Variants in ADAMTS3 observed in about 807,000 individuals in gnomAD.
ADAMTS3 encodes ADAM metallopeptidase with thrombospondin type 1 motif 3, also known as A disintegrin and metalloproteinase with thrombospondin motifs 3.
ADAMTS3 carries 73 observed loss-of-function variants against 129.0 expected under a neutral mutation model. That is an observed-to-expected ratio of 0.57 (90% CI 0.47 to 0.69). The LOEUF is 0.69. ADAMTS3 is among the 30% of genes least tolerant of loss of function. The pLI is 0.00. For synonymous variants in ADAMTS3, 477 were observed against 510.8 expected (o/e 0.93, Z 0.89); for missense variants, 1,457 against 1,514.5 (o/e 0.96, Z 0.63).
At chr4:72,441,328 T>C (rs13136232) in intron 3 of ADAMTS3, among the ~76,000 whole-genome samples, 38,167 of 151,710 alleles carry the variant, frequency 0.25, 5,148 homozygotes, top group East Asian at 0.45. Context: ...ACATCTTCTT[T>C]TGTGAGATGT....
At chr4:72,363,943 A>T (rs997689108) in intron 4 of ADAMTS3, among the ~76,000 whole-genome samples, 6 of 152,154 alleles carry the variant, frequency 3.9e-5, no homozygotes, top group Non-Finnish European at 7.4e-5. Context: ...ATGATGATGA[A>T]GAACAATGTA....
chr4:72,430,836 A>AG (rs1187506383), intron 3 of ADAMTS3, among the ~76,000 whole-genome samples: 2 of 151,442 alleles, frequency 1.3e-5, no homozygotes, highest in South Asian at 4.2e-4. Context: ...TTAAAAAAAA[A>AG]AAAACTCAAG....
intron 3 of ADAMTS3, among the ~76,000 whole-genome samples, chr4:72,456,095 T>C (rs1307053820): frequency 0.052 from 1,252 of 24,278 alleles, 56 homozygotes; most frequent in Non-Finnish European, 0.091. Context: ...ATATTTTATA[T>C]ATATAGTATA....
At chr4:72,330,573 T>C (rs961089583) in intron 5 of ADAMTS3, 1 of 152,262 alleles carries the variant, frequency 6.6e-6, no homozygotes, top group African/African-American at 2.4e-5. Context: ...GTCAAACCTG[T>C]CCACCTCCAC....
intron 13 of ADAMTS3, 67 bp downstream of exon 13, chr4:72,312,224 G>C (rs1578571976): frequency 1.3e-6 from 2 of 1,570,216 alleles, no homozygotes; most frequent in East Asian, 4.5e-5. Flanking sequence ...CATGGGGTTC[G>C]TGCTGGCAAA....
At position 72,282,988 on chromosome 4, in the gene ADAMTS3, A is replaced by G. The variant is rs1422986769; in HGVS notation, c.*148T>C. 6 of 644,826 alleles carry G rather than the reference A, an allele frequency of 9.3e-6. No homozygotes were observed. The highest frequency in any genetic ancestry group is 1.6e-5 in the Non-Finnish European group (6 of 386,722). 39.9% of individuals were successfully genotyped at this position (644,826 alleles called of 1,614,324 possible). On this transcript the variant is annotated 3_prime_UTR_variant, in exon 22 of 22. Coordinates refer to ENST00000286657, the MANE Select transcript of ADAMTS3 (RefSeq NM_014243.3). ...AAAAGGAGGATGAAAGCAACTAGAA[A>G]GTGAGCCAGCACTTTCTGTTCTTCC...
chr4:72,480,716 TAAAAA>T (rs1370535418), intron 3 of ADAMTS3, among the ~76,000 whole-genome samples: 1 of 128,328 alleles, frequency 7.8e-6, no homozygotes, highest in East Asian at 2.3e-4. Context: ...AAATAAAAAA[TAAAAA>T]AAGAGAAACA....
In ADAMTS3 at chr4:72,456,602, C is replaced by A. The variant is rs191940529; in HGVS notation, c.505-41631G>T. On this transcript the variant is annotated intron_variant, in intron 3 of 21. Transcript: ENST00000286657. ...AGGATAAATATATTTTAAATTATTT[C>A]TAAAAGTACTTACATCTGCCAAAAA... is the stretch of plus-strand genomic sequence containing the variant. 1.8e-3 allele frequency among the ~76,000 whole-genome samples: 276 copies of A among 151,012 alleles called. 1 individual carries two copies. The highest frequency in any genetic ancestry group is 6.2e-3 in the African/African-American group (255 of 41,282).
chr4:72,520,227 G>C (rs1007603205), intron 3 of ADAMTS3, among the ~76,000 whole-genome samples: 47 of 152,230 alleles, frequency 3.1e-4, no homozygotes, highest in Non-Finnish European at 4.7e-4. Context: ...ACCCGGCCGT[G>C]TGAGGTGTCA....
At position 72,319,955 on chromosome 4, in the gene ADAMTS3, G is replaced by C. The variant is rs141331151; in HGVS notation, c.1111C>G (p.Pro371Ala). ...FGPAGMQGYA[P>A]VTGMCHPVRS... ...ACTGGATGACACATGCCGGTGACTG[G>C]AGCATATCCTGTAGAGAATAACAAT... Residue 371 changes from proline to alanine, a missense_variant, in exon 8 of 22, where the codon CCA (proline) becomes GCA (alanine). Physicochemically the swap from Pro to Ala is conservative, Grantham distance 27. Transcript: ENST00000286657. 1.2e-6 allele frequency: 2 copies of C among 1,611,902 alleles called. No individual in the cohort carries two copies. Among genetic ancestry groups the C allele is most frequent in the Non-Finnish European group, 8.5e-7 (1 of 1,178,252 alleles).
At chr4:72,447,559 A>G (rs1412693148) in intron 3 of ADAMTS3, among the ~76,000 whole-genome samples, 4 of 151,788 alleles carry the variant, frequency 2.6e-5, no homozygotes, top group Admixed American at 2.6e-4. Context: ...ATTTAACAAA[A>G]TGTAGATGTA....
intron 16 of ADAMTS3, among the ~76,000 whole-genome samples, chr4:72,304,579 C>T (rs1390558098): frequency 6.6e-6 from 1 of 151,972 alleles, no homozygotes; most frequent in Non-Finnish European, 1.5e-5. Context: ...ATTTAGTTCT[C>T]ATGATTGTAA....
At chr4:72,430,803 T>C (rs1466415793) in intron 3 of ADAMTS3, among the ~76,000 whole-genome samples, 3 of 144,602 alleles carry the variant, frequency 2.1e-5, no homozygotes, top group African/African-American at 5.1e-5. Context: ...AGTCTGGTGA[T>C]AGAGACAAAG....
rs948920552 is a variant in ADAMTS3, at chr4:72,288,807, T to C, written c.2993A>G (p.His998Arg). The change falls in exon 21 of 22, where the codon CAC (histidine) becomes CGC (arginine). Residue 998 changes from histidine to arginine, a missense_variant. Physicochemically the swap from His to Arg is conservative, Grantham distance 29. Transcript: ENST00000286657. ...VRQVLCRAGD[H>R]CDGEKPESVR... ...CGACTCAGGCTTTTCACCATCACAG[T>C]GGTCCCCAGCCCTGCAGAGGACCTG... 6.2e-6 allele frequency: 10 copies of C among 1,613,866 alleles called. No individual in the cohort carries two copies. In the Admixed American group the frequency reaches 1.7e-4, roughly 27 times the overall value.
At chr4:72,469,799 T>C (rs1434099760) in intron 3 of ADAMTS3, among the ~76,000 whole-genome samples, 2 of 152,150 alleles carry the variant, frequency 1.3e-5, no homozygotes, top group Non-Finnish European at 2.9e-5. Context: ...TAATGAATAA[T>C]AAATACATTT....
chr4:72,470,206 GC>G (rs1719030303), intron 3 of ADAMTS3, among the ~76,000 whole-genome samples: 1 of 151,804 alleles, frequency 6.6e-6, no homozygotes, highest in Non-Finnish European at 1.5e-5. Context: ...CGGGATTCTA[GC>G]CCTTTCAGCA....
chr4:72,281,452 A>G lies in ADAMTS3; in HGVS notation c.*1684T>C, dbSNP rs1718339593. ...TTAGACAGCTCAGGTACTGACCTCA[A>G]AATCATTATGCTGATATCACTATCT... On this transcript the variant is annotated 3_prime_UTR_variant, in exon 22 of 22. Coordinates refer to ENST00000286657, the MANE Select transcript of ADAMTS3 (RefSeq NM_014243.3). The G allele has an allele frequency of 6.6e-6, 1 of 152,504 alleles. No homozygotes were observed. 9.4% of individuals were successfully genotyped at this position (152,504 alleles called of 1,614,324 possible).
At chr4:72,456,958 C>T (rs961318495) in intron 3 of ADAMTS3, among the ~76,000 whole-genome samples, 4 of 151,556 alleles carry the variant, frequency 2.6e-5, no homozygotes, top group East Asian at 1.9e-4. Context: ...ATTGGAAGAT[C>T]GTAGTCTTAA....
In ADAMTS3 at chr4:72,311,164, G is replaced by C; in HGVS notation, c.1939C>G (p.Leu647Val). Residue 647 changes from leucine (L) to valine (V), a missense_variant, in exon 14 of 22, where the codon CTT becomes GTT. Leu to Val is a conservative substitution (Grantham distance 32, BLOSUM62 1). Coordinates refer to ENST00000286657, the MANE Select transcript of ADAMTS3 (RefSeq NM_014243.3). ...CCAGTCTCCTTGGACTGACAGTAAA[G>C]GTGGCATCTTTTCTTGGCTGCATAA... ...EHPDPKKRCH[L>V]YCQSKETGDV... 1 of 1,610,688 alleles carries C rather than the reference G, an allele frequency of 6.2e-7. No individual in the cohort carries two copies. Among genetic ancestry groups the C allele is most frequent in the Non-Finnish European group, 8.5e-7 (1 of 1,178,092 alleles).
Sources: allele counts gnomAD v4.1 joint callset (sites outside exome capture counted in the v4.1 genomes callset), GRCh38; gene constraint gnomAD v4.1.1; transcripts MANE v1.5; gene names NCBI Gene and HGNC (gene_info 2026-07-23, HGNC 2026-07-21).